Variants in RERG observed in about 807,000 individuals in gnomAD.
The protein encoded by RERG is ras-related and estrogen-regulated growth inhibitor.
A neutral mutation model predicts 23.2 loss-of-function variants in RERG; 25 were observed. The ratio of observed to expected loss-of-function variants is 1.08; its 90% CI spans 0.79 to 1.50. The LOEUF (loss-of-function observed/expected upper bound fraction) is 1.50. Among genes scored for constraint, RERG ranks in the 40% most tolerant of loss-of-function variants. RERG has a pLI of 0.00. For synonymous variants in RERG, 81 were observed against 89.1 expected, an observed-to-expected ratio of 0.91 and a Z score of 0.51; for missense variants, 253 against 250.1, an observed-to-expected ratio of 1.01 and a Z score of -0.08.
At chr12:15,167,250 G>C (rs894996942) in intron 2 of RERG, among the ~76,000 whole-genome samples, 1 of 152,192 alleles carries the variant, frequency 6.6e-6, no homozygotes, top group African/African-American at 2.4e-5. Flanking sequence ...GTTGCCCTGA[G>C]AGGAGTCCAG....
chr12:15,213,152 C>T (rs1268345495), intron 2 of RERG, among the ~76,000 whole-genome samples: 1 of 152,190 alleles, frequency 6.6e-6, no homozygotes, highest in African/African-American at 2.4e-5. Flanking sequence ...AGCTGTGGCA[C>T]ACAATATTTC....
intron 2 of RERG, among the ~76,000 whole-genome samples, chr12:15,155,435 CAA>C (rs1226336819): frequency 6.6e-6 from 1 of 152,218 alleles, no homozygotes; most frequent in Non-Finnish European, 1.5e-5. Flanking sequence ...GAGGCAATCA[CAA>C]AAGTCTTGGC....
At chr12:15,175,165 G>GT (rs796515123) in intron 2 of RERG, among the ~76,000 whole-genome samples, 8,303 of 140,082 alleles carry the variant, frequency 0.059, 938 homozygotes, top group African/African-American at 0.21. Context: ...TGTATTTGTT[G>GT]TTTTTTTTTT....
At chr12:15,192,267 C>T (rs531933763) in intron 2 of RERG, among the ~76,000 whole-genome samples, 3 of 152,228 alleles carry the variant, frequency 2.0e-5, no homozygotes, top group South Asian at 2.1e-4. Context: ...CTGCCTTCTG[C>T]GATGATTGGA....
chr12:15,146,803 G>A (rs1304887847), intron 2 of RERG, among the ~76,000 whole-genome samples: 1 of 152,212 alleles, frequency 6.6e-6, no homozygotes, highest in Non-Finnish European at 1.5e-5. Flanking sequence ...GAATTCCTGA[G>A]CAGGCAGCTT....
At chr12:15,171,068 G>A (rs1864771476) in intron 2 of RERG, among the ~76,000 whole-genome samples, 1 of 152,138 alleles carries the variant, frequency 6.6e-6, no homozygotes, top group South Asian at 2.1e-4. Flanking sequence ...AAATTTTCAG[G>A]TCTCTGTCTG....
At chr12:15,218,523 C>T (rs1865473247) in intron 1 of RERG, among the ~76,000 whole-genome samples, 1 of 152,100 alleles carries the variant, frequency 6.6e-6, no homozygotes, top group Non-Finnish European at 1.5e-5. Flanking sequence ...CTTACCACTT[C>T]CAGGTATGAA....
At chr12:15,196,499 G>A (rs1216374298) in intron 2 of RERG, among the ~76,000 whole-genome samples, 1 of 152,052 alleles carries the variant, frequency 6.6e-6, no homozygotes, top group East Asian at 1.9e-4. Flanking sequence ...ATTAACAACC[G>A]TGTTCAACGT....
Position 15,107,833 on chromosome 12 carries a change from C to A in RERG, c.*1277G>T, listed in dbSNP as rs1043516056. ...TTATTATAGTCACATAAAATAAAGT[C>A]AGTTACATCAAGTTGTCCAAATGCA... is the stretch of plus-strand genomic sequence containing the variant. On this transcript the variant is annotated 3_prime_UTR_variant, in exon 5 of 5. Transcript: ENST00000256953. 1 of 152,648 alleles carries A rather than the reference C, an allele frequency of 6.6e-6. No homozygotes were observed. Among genetic ancestry groups the A allele is most frequent in the South Asian group, 2.1e-4 (1 of 4,822 alleles). 9.5% of individuals were successfully genotyped at this position (152,648 alleles called of 1,614,324 possible).
intron 2 of RERG, among the ~76,000 whole-genome samples, chr12:15,186,352 T>G (rs1469739889): frequency 6.6e-6 from 1 of 152,130 alleles, no homozygotes; most frequent in Non-Finnish European, 1.5e-5. Flanking sequence ...CTGGGCCATG[T>G]GCTCCAGTCA....
chr12:15,129,870 C>G (rs1195436686), intron 2 of RERG, among the ~76,000 whole-genome samples: 2 of 151,944 alleles, frequency 1.3e-5, no homozygotes, highest in African/African-American at 4.8e-5. Context: ...GAGAATGGCT[C>G]AATTTGATCT....
chr12:15,111,210 G>A (rs1434276310), intron 4 of RERG, 134 bp downstream of exon 4: 18 of 617,632 alleles, frequency 2.9e-5, no homozygotes, highest in Middle Eastern at 4.4e-4. Flanking sequence ...TATATAAAAT[G>A]GCTAGTTAAT....
intron 2 of RERG, among the ~76,000 whole-genome samples, chr12:15,202,847 T>A (rs868427524): frequency 6.6e-6 from 1 of 151,770 alleles, no homozygotes; most frequent in Non-Finnish European, 1.5e-5. Context: ...ATGGTAGTTC[T>A]AATTTTAAAT....
At chr12:15,158,691 T>C (rs1864559378) in intron 2 of RERG, among the ~76,000 whole-genome samples, 1 of 152,154 alleles carries the variant, frequency 6.6e-6, no homozygotes, top group Non-Finnish European at 1.5e-5. Flanking sequence ...CCCTCAGTTG[T>C]CTAATACTTC....
intron 2 of RERG, among the ~76,000 whole-genome samples, chr12:15,207,086 T>G (rs977345095): frequency 6.6e-6 from 1 of 152,172 alleles, no homozygotes; most frequent in East Asian, 1.9e-4. Context: ...CCTATGCTTT[T>G]GTTAACCAGT....
At chr12:15,208,479 T>C (rs1865322616) in intron 2 of RERG, among the ~76,000 whole-genome samples, 1 of 152,162 alleles carries the variant, frequency 6.6e-6, no homozygotes, top group South Asian at 2.1e-4. Context: ...CTAGACAACA[T>C]AGTCTAATTC....
At chr12:15,134,087 A>G (rs1164371596) in intron 2 of RERG, among the ~76,000 whole-genome samples, 2 of 151,836 alleles carry the variant, frequency 1.3e-5, no homozygotes, top group African/African-American at 4.8e-5. Context: ...TTTCACAGAG[A>G]AGTTCTTAAT....
In RERG at chr12:15,217,193, T is replaced by C. The variant is rs77180988; in HGVS notation, c.61+236A>G. The C allele has an allele frequency of 8.6e-3, 3,834 of 444,128 alleles. 118 individuals are homozygous for C. Among genetic ancestry groups the C allele is most frequent in the African/African-American group, 0.066 (3,274 of 49,504 alleles). 27.5% of individuals were successfully genotyped at this position (444,128 alleles called of 1,614,324 possible). ...AAAATCAGAATGCCAAGACCTCTGATATATCCTTTATCTTGTGTGTTATCA... is the reference window on the plus strand; with the variant it reads ...AAAATCAGAATGCCAAGACCTCTGACATATCCTTTATCTTGTGTGTTATCA... On this transcript the variant is annotated intron_variant, in intron 2 of 4. Coordinates refer to ENST00000256953, the MANE Select transcript of RERG (RefSeq NM_032918.3).
intron 2 of RERG, among the ~76,000 whole-genome samples, chr12:15,183,917 GCCTA>G (rs1227584221): frequency 6.6e-6 from 1 of 152,146 alleles, no homozygotes; most frequent in Non-Finnish European, 1.5e-5. Context: ...AGAATGAGGA[GCCTA>G]TAAACAAACA....
Sources: allele counts gnomAD v4.1 joint callset (sites outside exome capture counted in the v4.1 genomes callset), GRCh38; gene constraint gnomAD v4.1.1; transcripts MANE v1.5; gene names NCBI Gene and HGNC (gene_info 2026-07-23, HGNC 2026-07-21).